Variants in TAOK2 observed in about 807,000 individuals in gnomAD.
The protein encoded by TAOK2 is serine/threonine-protein kinase TAO2.
A neutral mutation model predicts 122.5 loss-of-function variants in TAOK2; 42 were observed. The ratio of observed to expected loss-of-function variants is 0.34; its 90% CI spans 0.27 to 0.44. TAOK2 has a LOEUF of 0.44. Ranked by LOEUF, TAOK2 falls within the 20% of genes least tolerant of loss-of-function variation. The probability of loss-of-function intolerance (pLI) is 1.00; values close to 1 mark genes in which losing one functional copy is unlikely to be tolerated. For missense variants in TAOK2, 1,264 were observed against 1,644.9 expected (o/e 0.77, Z 4.01); for synonymous variants, 704 against 677.6 (o/e 1.04, Z -0.61).
rs143930866 is a variant in TAOK2 at position 29,987,760 on chromosome 16, G to A, written c.3488G>A (p.Arg1163Gln). The change falls in exon 16 of 16, where the codon CGG (arginine) becomes CAG (glutamine). Residue 1163 changes from arginine (R) to glutamine (Q), a missense_variant. By Grantham distance (43) the Arg-to-Gln change is conservative. Coordinates refer to ENST00000308893, the MANE Select transcript of TAOK2 (RefSeq NM_016151.4). ...AAGGGCTGGAACTGGCGTCTGGCACGGGCCAGCCAGGGTTTAGCATCCCAC... is the reference window on the plus strand; with the variant it reads ...AAGGGCTGGAACTGGCGTCTGGCACAGGCCAGCCAGGGTTTAGCATCCCAC... ...LCKGWNWRLA[R>Q]ASQGLASHLP... The A allele has an allele frequency of 1.7e-4, 274 of 1,613,982 alleles. No homozygotes were observed. In the African/African-American group the frequency reaches 3.3e-3, roughly 19 times the overall value.
chr16:29,982,720 C>G lies in TAOK2; in HGVS notation c.832-14C>G. ...GGGGAGTTGGCAGCAGACCTCAGTGCCCTCTTCCCCCAGCACCGCTTTGTG... is the reference window on the plus strand; with the variant it reads ...GGGGAGTTGGCAGCAGACCTCAGTGGCCTCTTCCCCCAGCACCGCTTTGTG... On this transcript the variant is annotated splice_polypyrimidine_tract_variant and intron_variant, in intron 10 of 15. Transcript: ENST00000308893. 1 of 1,608,232 alleles carries G rather than the reference C, an allele frequency of 6.2e-7. No homozygotes were observed. Among genetic ancestry groups the G allele is most frequent in the Non-Finnish European group, 8.5e-7 (1 of 1,176,680 alleles).
At chr16:29,975,688 A>T (rs2069433399) in intron 1 of TAOK2, among the ~76,000 whole-genome samples, 1 of 152,206 alleles carries the variant, frequency 6.6e-6, no homozygotes, top group Admixed American at 6.5e-5. Flanking sequence ...GACAAATGGT[A>T]GCACTAGTGG....
Position 29,983,420 on chromosome 16 carries a change from T to A in TAOK2, c.1261-83T>A, listed in dbSNP as rs2069682136. ...TCCTTCCCTAAGTGCAGCACTCCTC[T>A]GAGTCTGATTGGCTGTCCTCAGGTA... On this transcript the variant is annotated intron_variant, in intron 12 of 15. Transcript: ENST00000308893. 1.9e-6 allele frequency: 3 copies of A among 1,561,322 alleles called. No individual in the cohort carries two copies. In the African/African-American group the frequency reaches 4.1e-5, roughly 21 times the overall value.
Position 29,979,518 on chromosome 16 carries a change from T to A in TAOK2, c.655+10T>A, listed in dbSNP as rs1168562889. The A allele has an allele frequency of 2.0e-6, 3 of 1,507,832 alleles. No individual in the cohort carries two copies. The highest frequency in any genetic ancestry group is 2.7e-6 in the Non-Finnish European group (3 of 1,126,462). 93.4% of individuals were successfully genotyped at this position (1,507,832 alleles called of 1,614,324 possible). On this transcript the variant is annotated intron_variant, in intron 8 of 15. Coordinates refer to ENST00000308893, the MANE Select transcript of TAOK2 (RefSeq NM_016151.4). This position sits in a 1 kb window ranked among gnomAD's most constrained non-coding sequence, Gnocchi z 4.1. ...ACCTGCATCGAGCTGGGTAAGAACA[T>A]CCTCCCTGTTCCCTCATCATCTTTT...
Position 29,987,853 on chromosome 16 carries a change from TC to T in TAOK2, c.3586del (p.Arg1196GlyfsTer10). 1 of 1,609,804 alleles carries T rather than the reference TC, an allele frequency of 6.2e-7. No homozygotes were observed. ...CTTCGGGGTGAACGGCCCACCCGAATCCCCCGGCTACTACCACGCAGCCAGC... is the reference window on the plus strand; with the variant it reads ...CTTCGGGGTGAACGGCCCACCCGAATCCCCGGCTACTACCACGCAGCCAGC... ...GLLRGERPTR[I>X]PRLLPRSQRQ... On this transcript the variant is annotated frameshift_variant, in exon 16 of 16. Coordinates refer to ENST00000308893, the MANE Select transcript of TAOK2 (RefSeq NM_016151.4). LOFTEE classifies it high-confidence loss of function.
Position 29,983,212 on chromosome 16 carries a change from G to GGAGGAGGAGGAGGAGGAA in TAOK2, c.1155_1172dup (p.Glu387_Glu392dup), listed in dbSNP as rs1182154073. On this transcript the variant is annotated inframe_insertion, in exon 12 of 16. Coordinates refer to ENST00000308893, the MANE Select transcript of TAOK2 (RefSeq NM_016151.4). ...CAGATGCCTCAGACAACGAGGAAGA[G>GGAGGAGGAGGAGGAGGAA]GAGGAGGAGGAGGAGGAAGAGGAGG... 14 of 1,577,106 alleles carry GGAGGAGGAGGAGGAGGAA rather than the reference G, an allele frequency of 8.9e-6. No individual in the cohort carries two copies. The African/African-American group carries it at 1.4e-4, about 15-fold the overall frequency.
rs570443018 is a variant in TAOK2, at chr16:29,979,195, G to A, written c.450G>A (p.Arg150=). 128 of 1,614,190 alleles carry A rather than the reference G, an allele frequency of 7.9e-5. 4 individuals carry two copies. The South Asian group carries it at 1.4e-3, about 17-fold the overall frequency. Residue 150 remains arginine (R), a splice_region_variant and synonymous_variant, in exon 7 of 16, where the codon AGG becomes AGA. Transcript: ENST00000308893. The surrounding 1 kb of genome is among the most constrained non-coding windows in gnomAD (Gnocchi z 4.1). ...CATCCCTGTACTTTGCCTCTGGCAG[G>A]GATGTGAAGGCTGGAAACATCCTGC... ...AYLHSHNMIH[R]DVKAGNILLS... is the part of the protein sequence containing the mutation.
At chr16:29,991,871 A>T, downstream of TAOK2, 3 of 302,170 alleles carry the variant, frequency 9.9e-6, no homozygotes, top group African/African-American at 2.2e-5. This position sits in a 1 kb window ranked among gnomAD's most constrained non-coding sequence, Gnocchi z 5.6. Flanking sequence ...CCCCTGGGGG[A>T]GGGGAAGGGT....
chr16:29,981,771 C>A lies in TAOK2; in HGVS notation c.749+17C>A. ...AGGACACTGGTGAGGACTGAGATTC[C>A]GAATCTGGGCCCAGGCGTTAGGCCA... On this transcript the variant is annotated intron_variant, in intron 9 of 15. Coordinates refer to ENST00000308893, the MANE Select transcript of TAOK2 (RefSeq NM_016151.4). The A allele has an allele frequency of 6.2e-7, 1 of 1,613,808 alleles. No individual in the cohort carries two copies. Among genetic ancestry groups the A allele is most frequent in the Non-Finnish European group, 8.5e-7 (1 of 1,179,686 alleles).
downstream of TAOK2, chr16:29,988,594 G>A: frequency 1.0e-6 from 1 of 985,360 alleles, no homozygotes; most frequent in Non-Finnish European, 1.2e-6. Context: ...CTGGGGTCTG[G>A]GCCCCTGTAG....
At chr16:29,989,513 G>A, downstream of TAOK2, 4 of 1,593,612 alleles carry the variant, frequency 2.5e-6, no homozygotes, top group Non-Finnish European at 3.4e-6. Flanking sequence ...TCCCCTGGTT[G>A]TTCCTCCTCT....
In TAOK2 at chr16:29,985,804, G is replaced by C. The variant is rs996193871; in HGVS notation, c.1935G>C (p.Gln645His). 1 of 1,611,942 alleles carries C rather than the reference G, an allele frequency of 6.2e-7. No homozygotes were observed. The highest frequency in any genetic ancestry group is 8.5e-7 in the Non-Finnish European group (1 of 1,179,892). The change falls in exon 15 of 16, where the codon CAG becomes CAC. Residue 645 changes from glutamine to histidine, a missense_variant. Transcript: ENST00000308893. The surrounding 1 kb of genome is among the most constrained non-coding windows in gnomAD (Gnocchi z 6.9). The part of the protein sequence containing the change: ...QRQYFELQCR[Q>H]YKRKMLLARH... The stretch of plus-strand genomic sequence containing the variant: ...AGTACTTTGAGCTGCAGTGTCGCCA[G>C]TACAAGCGCAAGATGTTGCTGGCTC...
rs187564411 is a variant in TAOK2 at position 29,985,899 on chromosome 16, G to A, written c.1992+38G>A. The A allele has an allele frequency of 1.7e-4, 265 of 1,593,424 alleles. No individual in the cohort carries two copies. The East Asian group carries it at 5.4e-3, about 32-fold the overall frequency. ...ATCTCTGTTCCCCTCCCGCTCACTCGTGGATCCCAGGGACCCACCCTTTTC... is the reference window on the plus strand; with the variant it reads ...ATCTCTGTTCCCCTCCCGCTCACTCATGGATCCCAGGGACCCACCCTTTTC... On this transcript the variant is annotated intron_variant, in intron 15 of 15. Coordinates refer to ENST00000308893, the MANE Select transcript of TAOK2 (RefSeq NM_016151.4). This position sits in a 1 kb window ranked among gnomAD's most constrained non-coding sequence, Gnocchi z 6.9.
chr16:29,977,637 A>G, intron 1 of TAOK2, 101 bp from the exon 2 acceptor site: 1 of 1,109,458 alleles, frequency 9.0e-7, no homozygotes, highest in Non-Finnish European at 1.3e-6. Context: ...CCTCCTCCTC[A>G]TCAGGGAATG....
chr16:29,989,221 T>A (rs1243023878), downstream of TAOK2: 1 of 985,220 alleles, frequency 1.0e-6, no homozygotes, highest in African/African-American at 1.7e-5. Context: ...CTTTGCCTGG[T>A]CAGAGCTTCC....
rs1366439129 is a variant in TAOK2, at chr16:29,974,352, A to T, written c.-332A>T. On this transcript the variant is annotated 5_prime_UTR_variant, in exon 1 of 16. Transcript: ENST00000308893. ...GGGTTCATTCCCCGGGCGTTCAAAT[A>T]TCGGATTCAGTCTCCATCCCGTTCA... The T allele has an allele frequency of 1.3e-5, 2 of 152,684 alleles. No homozygotes were observed. The highest frequency in any genetic ancestry group is 3.9e-4 in the East Asian group (2 of 5,160). 9.5% of individuals were successfully genotyped at this position (152,684 alleles called of 1,614,324 possible). A position where few individuals can be genotyped will look rare whatever the true frequency, so the allele number is the denominator to read the frequency against.
At position 29,979,166 on chromosome 16, in the gene TAOK2, G is replaced by A. The variant is rs746029734; in HGVS notation, c.450-29G>A. ...CCTGCCTAGCTTTCTTGAGACACAT[G>A]TCTCATCCCTGTACTTTGCCTCTGG... On this transcript the variant is annotated intron_variant, in intron 6 of 15. Coordinates refer to ENST00000308893, the MANE Select transcript of TAOK2 (RefSeq NM_016151.4). The surrounding 1 kb of genome is among the most constrained non-coding windows in gnomAD (Gnocchi z 4.1). 6 of 1,613,430 alleles carry A rather than the reference G, an allele frequency of 3.7e-6. No homozygotes were observed. The highest frequency in any genetic ancestry group is 5.1e-6 in the Non-Finnish European group (6 of 1,179,434).
chr16:29,989,712 CCTT>C, downstream of TAOK2: 1 of 1,614,074 alleles, frequency 6.2e-7, no homozygotes, highest in Non-Finnish European at 8.5e-7. Context: ...ACAAGAGCCT[CCTT>C]AAGCGGCTCA....
chr16:29,987,623 A>G lies in TAOK2; in HGVS notation c.3351A>G (p.Lys1117=). 1 of 1,613,112 alleles carries G rather than the reference A, an allele frequency of 6.2e-7. No individual in the cohort carries two copies. The highest frequency in any genetic ancestry group is 8.5e-7 in the Non-Finnish European group (1 of 1,179,390). The change falls in exon 16 of 16, where the codon AAA becomes AAG. Residue 1117 remains lysine (K), a synonymous_variant. Transcript: ENST00000308893. ...GGGGTCTGTTTGCACTGTACCCCAAAACCAACAAGGATGGCTTCCGCAGCC... is the reference window on the plus strand; with the variant it reads ...GGGGTCTGTTTGCACTGTACCCCAAGACCAACAAGGATGGCTTCCGCAGCC... The part of the protein sequence containing the change: ...GDRGLFALYP[K]TNKDGFRSRL...
Sources: gnomAD v4.1 joint callset for allele counts (sites outside exome capture counted in the v4.1 genomes callset) on GRCh38, gnomAD v4.1.1 for gene constraint, Gnocchi (gnomAD v3.1) non-coding constraint, MANE v1.5 for transcripts, NCBI Gene and HGNC (gene_info 2026-07-23, HGNC 2026-07-21) for gene names.